LAMB4: variants seen among roughly 807,000 people sequenced by gnomAD.
LAMB4 encodes the protein laminin subunit beta-4.
A neutral mutation model predicts 199.2 loss-of-function variants in LAMB4; 196 were observed. The observed-to-expected ratio is 0.98, with a 90% confidence interval of 0.88 to 1.11. LAMB4 has a LOEUF of 1.11. Among genes scored for constraint, LAMB4 ranks in the 50% least tolerant of loss-of-function variants. The pLI is 0.00. For synonymous variants in LAMB4, 744 were observed against 770.6 expected (o/e 0.97, Z 0.57); for missense variants, 2,080 against 2,171.2 (o/e 0.96, Z 0.83).
intron 5 of LAMB4, among the ~76,000 whole-genome samples, chr7:108,108,087 C>T (rs1394135557): frequency 6.6e-6 from 1 of 152,084 alleles, no homozygotes; most frequent in African/African-American, 2.4e-5. Flanking sequence ...GCTAGAGGTG[C>T]ATGCCACCAT....
At chr7:108,072,920 T>C (rs1017362236) in intron 17 of LAMB4, among the ~76,000 whole-genome samples, 2 of 152,206 alleles carry the variant, frequency 1.3e-5, no homozygotes, top group Non-Finnish European at 2.9e-5. Flanking sequence ...CAACCAGAGA[T>C]AATTTACAGC....
Position 108,078,279 on chromosome 7 carries a change from G to C in LAMB4, c.1925C>G (p.Pro642Arg). The change falls in exon 16 of 34, where the codon CCC becomes CGC. Residue 642 changes from proline (P) to arginine (R), a missense_variant. By Grantham distance (103) the Pro-to-Arg change is moderately radical (BLOSUM62 -2). Transcript: ENST00000388781. ...ADWTVQIVVN[P>R]PGGSEHCIPK... The stretch of plus-strand genomic sequence containing the variant: ...TATGCAGTGCTCACTCCCTCCAGGG[G>C]GGTTCACCACAATCTGGACAGTCCA... 1.2e-6 allele frequency: 2 copies of C among 1,610,176 alleles called. No individual in the cohort carries two copies. The highest frequency in any genetic ancestry group is 2.2e-5 in the South Asian group (2 of 89,836).
At chr7:108,029,901 T>C (rs1732149) in intron 32 of LAMB4, among the ~76,000 whole-genome samples, 32,015 of 151,890 alleles carry the variant, frequency 0.21, 7,689 homozygotes, top group African/African-American at 0.6. Context: ...AGGCGGATCA[T>C]GAGGTTAGGA....
chr7:108,028,156 A>T (rs541512388), intron 33 of LAMB4, among the ~76,000 whole-genome samples: 2 of 152,260 alleles, frequency 1.3e-5, no homozygotes, highest in Admixed American at 1.3e-4. Context: ...CTAGAATATG[A>T]TTCTTTCTGG....
chr7:108,129,419 T>C (rs554921107), intron 1 of LAMB4, among the ~76,000 whole-genome samples: 1 of 152,240 alleles, frequency 6.6e-6, no homozygotes, highest in Non-Finnish European at 1.5e-5. Context: ...AGAAATCTTG[T>C]ATTTAACTTT....
chr7:108,047,857 C>T (rs1006590809), intron 28 of LAMB4, 51 bp downstream of exon 28: 2 of 1,477,172 alleles, frequency 1.4e-6, no homozygotes, highest in East Asian at 2.3e-5. Context: ...TTTAAGCAGT[C>T]TGCTTCTTTA....
intron 10 of LAMB4, 97 bp downstream of exon 10, chr7:108,102,947 G>A: frequency 1.9e-6 from 2 of 1,030,202 alleles, no homozygotes; most frequent in Non-Finnish European, 2.7e-6. Context: ...GTAGTTTGGA[G>A]ATGCCGTTAA....
chr7:108,127,609 GCAT>G (rs1168693686), intron 1 of LAMB4, among the ~76,000 whole-genome samples: 2 of 152,152 alleles, frequency 1.3e-5, no homozygotes, highest in Non-Finnish European at 2.9e-5. Context: ...CAGATGAGCA[GCAT>G]CAACATCATG....
In LAMB4 at chr7:108,075,874, T is replaced by G. The variant is rs781762268; in HGVS notation, c.2124+1070A>C. 5 of 165,078 alleles carry G rather than the reference T, an allele frequency of 3.0e-5. 1 individual carries two copies. In the South Asian group the frequency reaches 5.8e-4, roughly 19 times the overall value. 10.2% of individuals were successfully genotyped at this position (165,078 alleles called of 1,614,324 possible). A position where few individuals can be genotyped will look rare whatever the true frequency, so the allele number is the denominator to read the frequency against. On this transcript the variant is annotated intron_variant, in intron 17 of 33. Coordinates refer to ENST00000388781, the MANE Select transcript of LAMB4 (RefSeq NM_007356.3). The stretch of plus-strand genomic sequence containing the variant: ...ACTCGGGAAGCTGAAGCAGGAGAAT[T>G]GCTTGCACTCAGGAGGCGGAGGTTG...
chr7:108,108,719 A>G (rs1249201962), intron 5 of LAMB4, among the ~76,000 whole-genome samples: 1 of 151,878 alleles, frequency 6.6e-6, no homozygotes, highest in African/African-American at 2.4e-5. Flanking sequence ...ATAAAGTCTG[A>G]CATCAAAATT....
At chr7:108,037,626 A>G in intron 29 of LAMB4, 31 bp from the exon 30 acceptor site, 2 of 1,514,022 alleles carry the variant, frequency 1.3e-6, no homozygotes, top group Non-Finnish European at 1.8e-6. Flanking sequence ...TTAGGTAATC[A>G]TGTCTCCTTA....
rs1290551942 is a variant in LAMB4, at chr7:108,049,455, G to T, written c.3993C>A (p.Thr1331=). The T allele has an allele frequency of 6.3e-7, 1 of 1,595,098 alleles. No individual in the cohort carries two copies. Among genetic ancestry groups the T allele is most frequent in the African/African-American group, 1.3e-5 (1 of 74,136 alleles). ...TCCTTGTATTTGCAGAGGTATTAAT[G>T]GTGGAACTAGTTTCATTAATTTTCT... The part of the protein sequence containing the change: ...AEKKINETSS[T]INTSANTRND... The change falls in exon 27 of 34, where the codon ACC becomes ACA. Residue 1331 remains threonine (T), a synonymous_variant. Transcript: ENST00000388781.
intron 3 of LAMB4, among the ~76,000 whole-genome samples, chr7:108,115,035 G>A (rs2038359495): frequency 6.6e-6 from 1 of 152,210 alleles, no homozygotes; most frequent in Non-Finnish European, 1.5e-5. Flanking sequence ...TCAAGGCAGA[G>A]CAATGAGGAC....
intron 3 of LAMB4, among the ~76,000 whole-genome samples, chr7:108,112,458 T>A (rs1026664545): frequency 6.6e-6 from 1 of 150,582 alleles, no homozygotes. Flanking sequence ...CACCCGGCTA[T>A]TTTTTTGTAT....
the LAMB4 span, among the ~76,000 whole-genome samples, chr7:108,016,627 A>T: frequency 6.6e-6 from 1 of 152,220 alleles, no homozygotes; most frequent in Non-Finnish European, 1.5e-5. Context: ...GACAGGCAAC[A>T]TCAGTGAGAA....
Position 108,092,867 on chromosome 7 carries a change from G to C in LAMB4, c.1471-451C>G, listed in dbSNP as rs1183709333. On this transcript the variant is annotated intron_variant, in intron 12 of 33. Transcript: ENST00000388781. ...CAGAGTGAGCTGAGATCGTGCCACT[G>C]TACTCCAGCCTGGATGACAGAGTGA... Among the ~76,000 whole-genome samples the C allele has an allele frequency of 3.9e-5, 6 of 152,062 alleles. No individual in the cohort carries two copies. The East Asian group carries it at 1.2e-3, about 29-fold the overall frequency.
At chr7:108,034,963 G>T (rs1304573985) in intron 30 of LAMB4, among the ~76,000 whole-genome samples, 1 of 152,174 alleles carries the variant, frequency 6.6e-6, no homozygotes, top group Non-Finnish European at 1.5e-5. Context: ...ATGTACCGAG[G>T]GAGTGAACTA....
At chr7:108,118,445 G>A (rs1344015146) in intron 2 of LAMB4, among the ~76,000 whole-genome samples, 5 of 152,038 alleles carry the variant, frequency 3.3e-5, no homozygotes, top group Admixed American at 1.3e-4. Flanking sequence ...TAGATCAATG[G>A]AACAGAATAG....
chr7:108,103,378 G>A, intron 9 of LAMB4, 146 bp from the exon 10 acceptor site: 1 of 586,860 alleles, frequency 1.7e-6, no homozygotes, highest in Non-Finnish European at 2.9e-6. Context: ...GCAAACACAG[G>A]GCCAAAATGT....
Sources: gnomAD v4.1 joint callset for allele counts (sites outside exome capture counted in the v4.1 genomes callset) on GRCh38, gnomAD v4.1.1 for gene constraint, MANE v1.5 for transcripts, NCBI Gene and HGNC (gene_info 2026-07-23, HGNC 2026-07-21) for gene names.